RBMS3: variants seen among roughly 807,000 people sequenced by gnomAD.
RBMS3 encodes RNA-binding motif, single-stranded-interacting protein 3.
RBMS3 carries 27 observed loss-of-function variants against 66.8 expected under a neutral mutation model. That is an observed-to-expected ratio of 0.40 (90% CI 0.30 to 0.56). The LOEUF is 0.56. Among genes scored for constraint, RBMS3 ranks in the 20% least tolerant of loss-of-function variants. RBMS3 has a pLI of 0.40. For missense variants in RBMS3, 513 were observed against 549.5 expected, an observed-to-expected ratio of 0.93 and a Z score of 0.66; for synonymous variants, 188 against 183.0, an observed-to-expected ratio of 1.03 and a Z score of -0.22.
chr3:29,758,705 T>A (rs559685604), intron 5 of RBMS3, among the ~76,000 whole-genome samples: 1 of 152,324 alleles, frequency 6.6e-6, no homozygotes, highest in South Asian at 2.1e-4. Context: ...TTTCTGGAAC[T>A]CACTATTTTA....
At chr3:29,535,174 G>GT (rs1373730909) in intron 3 of RBMS3, among the ~76,000 whole-genome samples, 1 of 152,042 alleles carries the variant, frequency 6.6e-6, no homozygotes, top group Non-Finnish European at 1.5e-5. Flanking sequence ...TTCCTTAGGG[G>GT]TTTTTAGAGC....
chr3:29,797,110 T>G (rs1387526668), intron 6 of RBMS3, among the ~76,000 whole-genome samples: 1 of 152,194 alleles, frequency 6.6e-6, no homozygotes, highest in East Asian at 1.9e-4. Context: ...CTCCTCTGTC[T>G]GGGAAAGTCC....
rs1170231125 is a variant in RBMS3 at position 29,716,055 on chromosome 3, T to C, written c.400-23665T>C. Among the ~76,000 whole-genome samples, 3 of 152,082 alleles carry C rather than the reference T, an allele frequency of 2.0e-5. No homozygotes were observed. In the South Asian group the frequency reaches 6.2e-4, roughly 32 times the overall value. Reference sequence around the variant, plus strand: ...ATAGATGGCTGTTGAGTTCAGCAAATAGATTGGCAAAGATTAAGAAGATGG... The same window carrying C: ...ATAGATGGCTGTTGAGTTCAGCAAACAGATTGGCAAAGATTAAGAAGATGG... On this transcript the variant is annotated intron_variant, in intron 4 of 14. Transcript: ENST00000383767.
intron 6 of RBMS3, among the ~76,000 whole-genome samples, chr3:29,808,889 G>A (rs1381875315): frequency 2.0e-5 from 3 of 151,786 alleles, no homozygotes; most frequent in Non-Finnish European, 2.9e-5. Flanking sequence ...ATAAAGTTTA[G>A]ACTTACTTTA....
intron 10 of RBMS3, among the ~76,000 whole-genome samples, chr3:29,934,496 A>G (rs565465193): frequency 6.6e-6 from 1 of 152,264 alleles, no homozygotes; most frequent in East Asian, 1.9e-4. Flanking sequence ...GGTTTTGTTA[A>G]AAAGATTCAG....
At chr3:29,382,059 A>C (rs2038786644) in intron 1 of RBMS3, among the ~76,000 whole-genome samples, 1 of 152,198 alleles carries the variant, frequency 6.6e-6, no homozygotes, top group African/African-American at 2.4e-5. Flanking sequence ...GTGAGTAGAC[A>C]GGCATTTCCT....
At chr3:29,812,897 T>G (rs2057768644) in intron 6 of RBMS3, among the ~76,000 whole-genome samples, 1 of 152,100 alleles carries the variant, frequency 6.6e-6, no homozygotes, top group African/African-American at 2.4e-5. Context: ...TTCAGCTTAC[T>G]AATCATATGT....
intron 6 of RBMS3, among the ~76,000 whole-genome samples, chr3:29,778,822 T>C (rs925072945): frequency 1.3e-5 from 2 of 151,940 alleles, no homozygotes; most frequent in Non-Finnish European, 2.9e-5. Flanking sequence ...GGAATGTTTC[T>C]GGTAAATACT....
intron 1 of RBMS3, among the ~76,000 whole-genome samples, chr3:29,402,067 A>G (rs1018702749): frequency 6.6e-6 from 1 of 151,992 alleles, no homozygotes; most frequent in African/African-American, 2.4e-5. Flanking sequence ...GGTGATTGCC[A>G]TTTTCAGTGT....
At chr3:29,383,404 G>A (rs2038862075) in intron 1 of RBMS3, among the ~76,000 whole-genome samples, 1 of 152,084 alleles carries the variant, frequency 6.6e-6, no homozygotes, top group South Asian at 2.1e-4. Flanking sequence ...CTTTCCTAAT[G>A]CTACTTACCC....
At chr3:29,304,094 T>C (rs555888836) in intron 1 of RBMS3, among the ~76,000 whole-genome samples, 9 of 152,054 alleles carry the variant, frequency 5.9e-5, no homozygotes, top group Non-Finnish European at 1.2e-4. Context: ...GAGATTTCAG[T>C]GGGGACACAG....
At chr3:29,735,031 T>C (rs1293848062) in intron 4 of RBMS3, among the ~76,000 whole-genome samples, 2 of 152,080 alleles carry the variant, frequency 1.3e-5, no homozygotes, top group African/African-American at 4.8e-5. Flanking sequence ...TGTTAGCAGA[T>C]TGTTGTTAAG....
chr3:29,306,384 T>G (rs2125456186), intron 1 of RBMS3, among the ~76,000 whole-genome samples: 1 of 152,086 alleles, frequency 6.6e-6, no homozygotes, highest in South Asian at 2.1e-4. Context: ...TCCTCAGACC[T>G]TCTCTTGCTC....
At position 29,868,967 on chromosome 3, in the gene RBMS3, G is replaced by A; in HGVS notation, c.744+3G>A. 2 of 1,586,426 alleles carry A rather than the reference G, an allele frequency of 1.3e-6. No individual in the cohort carries two copies. Among genetic ancestry groups the A allele is most frequent in the Non-Finnish European group, 1.7e-6 (2 of 1,164,620 alleles). ...GGCCTTGGCCCAGGGAAGGAGAGGT[G>A]AGTCCTGACTGATAACATTTGCTCT... On this transcript the variant is annotated splice_donor_region_variant and intron_variant, in intron 7 of 14. Transcript: ENST00000383767.
At chr3:29,596,303 A>C (rs1350362) in intron 4 of RBMS3, among the ~76,000 whole-genome samples, 22,772 of 152,200 alleles carry the variant, frequency 0.15, 1,959 homozygotes, top group East Asian at 0.32. Context: ...CACTGAGAAA[A>C]CTACAGACTA....
chr3:29,531,716 G>T (rs571627211), intron 3 of RBMS3, among the ~76,000 whole-genome samples: 1 of 152,168 alleles, frequency 6.6e-6, no homozygotes, highest in African/African-American at 2.4e-5. Context: ...ATGCAGTTCT[G>T]TGCATCTGCA....
At chr3:29,980,628 T>G (rs1697921512) in intron 12 of RBMS3, among the ~76,000 whole-genome samples, 1 of 152,096 alleles carries the variant, frequency 6.6e-6, no homozygotes, top group Non-Finnish European at 1.5e-5. Flanking sequence ...AAGGAGGGGG[T>G]CCAGTTTCAG....
At chr3:29,348,571 T>TAAAAAAAAAAAAAAAAAAAAA (rs201850631) in intron 1 of RBMS3, among the ~76,000 whole-genome samples, 1 of 143,434 alleles carries the variant, frequency 7.0e-6, no homozygotes, top group Non-Finnish European at 1.5e-5. Context: ...TTCTCTCTGT[T>TAAAAAAAAAAAAAAAAAAAAA]AAAAAAAAAA....
chr3:29,656,300 A>G (rs1385394014), intron 4 of RBMS3, among the ~76,000 whole-genome samples: 3 of 152,132 alleles, frequency 2.0e-5, no homozygotes, highest in Non-Finnish European at 4.4e-5. Context: ...CTTTTATACC[A>G]TGTTTTCACT....
Sources: gnomAD v4.1 joint callset for allele counts (sites outside exome capture counted in the v4.1 genomes callset) on GRCh38, gnomAD v4.1.1 for gene constraint, MANE v1.5 for transcripts, NCBI Gene and HGNC (gene_info 2026-07-23, HGNC 2026-07-21) for gene names.